MMP19: variants seen among roughly 807,000 people sequenced by gnomAD.
MMP19 encodes the protein matrix metallopeptidase 19, also known as matrix metalloproteinase-19.
Under a neutral mutation model 46.6 loss-of-function variants are expected in MMP19, and 47 were observed. The ratio of observed to expected loss-of-function variants is 1.01; its 90% CI spans 0.80 to 1.29. The LOEUF (loss-of-function observed/expected upper bound fraction) is 1.29. Ranked by LOEUF, MMP19 falls within the 50% of genes most tolerant of loss-of-function variation. MMP19 has a pLI of 0.00. For synonymous variants in MMP19, 222 were observed against 248.5 expected, an observed-to-expected ratio of 0.89 and a Z score of 1.00; for missense variants, 589 against 643.5, an observed-to-expected ratio of 0.92 and a Z score of 0.92.
chr12:55,838,721 T>G lies in MMP19; in HGVS notation c.780A>C (p.Pro260=). The change falls in exon 6 of 9, where the codon CCA becomes CCC. Residue 260 remains proline, a synonymous_variant. Transcript: ENST00000322569. Reference sequence around the variant, plus strand: ...CTTCTTCTTCCTCATCCCTTATCACTGGACTCTTCTTGCCTATAAGGTAAA... The same window carrying G: ...CTTCTTCTTCCTCATCCCTTATCACGGGACTCTTCTTGCCTATAAGGTAAA... The part of the protein sequence containing the change: ...GIQALYGKKS[P]VIRDEEEEET... The G allele has an allele frequency of 1.3e-6, 2 of 1,598,568 alleles. No homozygotes were observed. The highest frequency in any genetic ancestry group is 1.7e-6 in the Non-Finnish European group (2 of 1,171,128).
Position 55,836,533 on chromosome 12 carries a change from T to C in MMP19, c.*503A>G, listed in dbSNP as rs1881223385. The C allele has an allele frequency of 6.5e-6, 1 of 154,042 alleles. No homozygotes were observed. The highest frequency in any genetic ancestry group is 1.4e-5 in the Non-Finnish European group (1 of 69,188). 9.5% of individuals were successfully genotyped at this position (154,042 alleles called of 1,614,324 possible). Reference sequence around the variant, plus strand: ...TGCAACAATCCTGCAGTACTGGTCTTAACCTAATGTTGCAAATGGGGAATC... The same window carrying C: ...TGCAACAATCCTGCAGTACTGGTCTCAACCTAATGTTGCAAATGGGGAATC... On this transcript the variant is annotated 3_prime_UTR_variant, in exon 9 of 9. Transcript: ENST00000322569.
At chr12:55,839,782 C>T (rs746156678) in intron 4 of MMP19, 41 bp from the exon 5 acceptor site, 25 of 1,579,124 alleles carry the variant, frequency 1.6e-5, no homozygotes, top group Admixed American at 1.3e-4. Flanking sequence ...GGTCAGAGCC[C>T]GCTAGGCTAG....
chr12:55,837,866 G>T lies in MMP19; in HGVS notation c.1037C>A (p.Thr346Lys). The part of the protein sequence containing the change: ...NLDAAVYSPR[T>K]QWIHFFKGDK... ...ACCCTTAAAGAAGTGAATCCATTGT[G>T]TTCGAGGCGAGTAGACAGCAGCATC... Residue 346 changes from threonine (T) to lysine (K), a missense_variant, in exon 7 of 9, where the codon ACA becomes AAA. Coordinates refer to ENST00000322569, the MANE Select transcript of MMP19 (RefSeq NM_002429.6). 1 of 1,610,500 alleles carries T rather than the reference G, an allele frequency of 6.2e-7. No individual in the cohort carries two copies. The highest frequency in any genetic ancestry group is 1.1e-5 in the South Asian group (1 of 90,948).
At chr12:55,841,548 TTCC>T in intron 2 of MMP19, 1 of 261,936 alleles carries the variant, frequency 3.8e-6, no homozygotes, top group Middle Eastern at 1.2e-3. Context: ...CCTTCCTTCC[TTCC>T]TTCCTTTCTT....
intron 1 of MMP19, 32 bp from the exon 2 acceptor site, chr12:55,842,470 A>G: frequency 2.0e-6 from 3 of 1,518,852 alleles, no homozygotes; most frequent in Non-Finnish European, 2.7e-6. Context: ...GCAGGTTAAA[A>G]GGGGGTTAGT....
rs145737232 is a variant in MMP19, at chr12:55,837,584, G to C, written c.1159C>G (p.Pro387Ala). 8 of 1,614,152 alleles carry C rather than the reference G, an allele frequency of 5.0e-6. No homozygotes were observed. Among genetic ancestry groups the C allele is most frequent in the Non-Finnish European group, 6.8e-6 (8 of 1,180,046 alleles). Residue 387 changes from proline to alanine, a missense_variant, in exon 8 of 9, where the codon CCT becomes GCT. Pro to Ala is a conservative substitution (Grantham distance 27). Coordinates refer to ENST00000322569, the MANE Select transcript of MMP19 (RefSeq NM_002429.6). ...AAGAGGAACACCTTTTGGTTGAGAG[G>C]CCAATAGAGAGCTGCATCCAGGTTA... ...EPNLDAALYW[P>A]LNQKVFLFKG...
At chr12:55,840,542 T>C (rs1211669548) in intron 4 of MMP19, 125 bp downstream of exon 4, 3 of 960,970 alleles carry the variant, frequency 3.1e-6, no homozygotes, top group Non-Finnish European at 4.6e-6. Flanking sequence ...AGGAGGTAAT[T>C]AGAGAGCGTA....
intron 2 of MMP19, among the ~76,000 whole-genome samples, chr12:55,841,870 C>G (rs1043463737): frequency 2.0e-5 from 3 of 152,186 alleles, no homozygotes; most frequent in Non-Finnish European, 2.9e-5. Context: ...CCAGCTTGCC[C>G]TGGAGCAATT....
In MMP19 at chr12:55,842,380, T is replaced by C. The variant is rs945059681; in HGVS notation, c.146A>G (p.Lys49Arg). The stretch of plus-strand genomic sequence containing the variant: ...CAGAGCCTCGGTGATATCTTCTGGC[T>C]TGAAGTTATTAGATCCTTCTAGAGG... ...QKPLEGSNNF[K>R]PEDITEALRA... The change falls in exon 2 of 9, where the codon AAG becomes AGG. Residue 49 changes from lysine (K) to arginine (R), a missense_variant. Lys to Arg is a conservative substitution (Grantham distance 26, BLOSUM62 2). Transcript: ENST00000322569. 6.2e-6 allele frequency: 10 copies of C among 1,613,886 alleles called. No individual in the cohort carries two copies. In the African/African-American group the frequency reaches 1.1e-4, roughly 17 times the overall value.
In MMP19 at chr12:55,836,412, T is replaced by A. The variant is rs181087165; in HGVS notation, c.*624A>T. The A allele has an allele frequency of 1.3e-5, 2 of 152,386 alleles. No individual in the cohort carries two copies. The highest frequency in any genetic ancestry group is 1.3e-4 in the Admixed American group (2 of 15,302). 9.4% of individuals were successfully genotyped at this position (152,386 alleles called of 1,614,324 possible). ...ACAGCCAGACAGCTAGAGGAAGAGC[T>A]GTTCAGTCCTCTCTTATGAACATGG... On this transcript the variant is annotated 3_prime_UTR_variant, in exon 9 of 9. Coordinates refer to ENST00000322569, the MANE Select transcript of MMP19 (RefSeq NM_002429.6).
At chr12:55,838,465 T>C in intron 6 of MMP19, 141 bp downstream of exon 6, 1 of 1,592,904 alleles carries the variant, frequency 6.3e-7, no homozygotes, top group Admixed American at 1.7e-5. Flanking sequence ...ATGTCACATG[T>C]CTCCTTCCAT....
chr12:55,842,850 T>G lies in MMP19; in HGVS notation c.-20A>C. ...GTTCATGGTCCCACCAGACGAGAGCTCCAGAGGCTGTCCGTGCCTCTGACC... is the reference window on the plus strand; with the variant it reads ...GTTCATGGTCCCACCAGACGAGAGCGCCAGAGGCTGTCCGTGCCTCTGACC... On this transcript the variant is annotated 5_prime_UTR_variant, in exon 1 of 9. Coordinates refer to ENST00000322569, the MANE Select transcript of MMP19 (RefSeq NM_002429.6). 6.4e-7 allele frequency: 1 copy of G among 1,574,324 alleles called. No homozygotes were observed.
rs1360489902 is a variant in MMP19, at chr12:55,842,906, G to A, written c.-76C>T. 1.7e-6 allele frequency: 2 copies of A among 1,163,230 alleles called. No individual in the cohort carries two copies. The highest frequency in any genetic ancestry group is 2.5e-6 in the Non-Finnish European group (2 of 801,424). 72.1% of individuals were successfully genotyped at this position (1,163,230 alleles called of 1,614,324 possible). A position where few individuals can be genotyped will look rare whatever the true frequency, so the allele number is the denominator to read the frequency against. On this transcript the variant is annotated 5_prime_UTR_variant, in exon 1 of 9. Transcript: ENST00000322569. ...TTTCTGGGAGCCTTGGGGGAGCAGT[G>A]CTAGGCAGAGGGGCTCTTACCCCCA...
At chr12:55,840,052 G>T in intron 4 of MMP19, 1 of 322,082 alleles carries the variant, frequency 3.1e-6, no homozygotes, top group Non-Finnish European at 5.8e-6. Flanking sequence ...GCAGCCAGGG[G>T]TGATGGCTCA....
chr12:55,840,272 T>C (rs1881583038), intron 4 of MMP19, among the ~76,000 whole-genome samples: 1 of 146,770 alleles, frequency 6.8e-6, no homozygotes, highest in Admixed American at 7.0e-5. Flanking sequence ...CATGATTGTG[T>C]CACTGTACTC....
Position 55,839,371 on chromosome 12 carries a change from A to G in MMP19, c.766+125T>C, listed in dbSNP as rs17844799. On this transcript the variant is annotated intron_variant, in intron 5 of 8. Coordinates refer to ENST00000322569, the MANE Select transcript of MMP19 (RefSeq NM_002429.6). Reference sequence around the variant, plus strand: ...CTGCTCCTGAAAATGAAGAAGCCTGAGTAACTGGGCTGGAGGAGAAGAAAG... The same window carrying G: ...CTGCTCCTGAAAATGAAGAAGCCTGGGTAACTGGGCTGGAGGAGAAGAAAG... The G allele has an allele frequency of 1.2e-3, 1,408 of 1,220,618 alleles. 3 individuals are homozygous for G. The highest frequency in any genetic ancestry group is 1.5e-3 in the Non-Finnish European group (1,297 of 884,982). The allele number at this position is 1,220,618 out of a possible 1,614,324, so 75.6% of individuals were successfully genotyped here. A position where few individuals can be genotyped will look rare whatever the true frequency, so the allele number is the denominator to read the frequency against.
chr12:55,841,050 A>C, intron 3 of MMP19, 56 bp downstream of exon 3: 1 of 1,593,870 alleles, frequency 6.3e-7, no homozygotes, highest in Non-Finnish European at 8.6e-7. Flanking sequence ...TGCCACCCAC[A>C]CGCCAGAACC....
In MMP19 at chr12:55,840,052, G is replaced by A. The variant is rs1006817837; in HGVS notation, c.521-311C>T. On this transcript the variant is annotated intron_variant, in intron 4 of 8. Coordinates refer to ENST00000322569, the MANE Select transcript of MMP19 (RefSeq NM_002429.6). ...GAAAAAGAAGCATAGGCAGCCAGGGGTGATGGCTCACACCTGTAATCCCAA... is the reference window on the plus strand; with the variant it reads ...GAAAAAGAAGCATAGGCAGCCAGGGATGATGGCTCACACCTGTAATCCCAA... 3.7e-5 allele frequency: 12 copies of A among 321,964 alleles called. No homozygotes were observed. In the Admixed American group the frequency reaches 4.5e-4, roughly 12 times the overall value. The allele number at this position is 321,964 out of a possible 1,614,324, so 19.9% of individuals were successfully genotyped here. A position where few individuals can be genotyped will look rare whatever the true frequency, so the allele number is the denominator to read the frequency against.
chr12:55,841,338 A>G, intron 2 of MMP19, 102 bp from the exon 3 acceptor site: 1 of 1,319,444 alleles, frequency 7.6e-7, no homozygotes. Flanking sequence ...ATGGCCAAGA[A>G]TAGCACAGAA....
Sources: allele counts gnomAD v4.1 joint callset (sites outside exome capture counted in the v4.1 genomes callset), GRCh38; gene constraint gnomAD v4.1.1; transcripts MANE v1.5; gene names NCBI Gene and HGNC (gene_info 2026-07-23, HGNC 2026-07-21).